The following DOCK4 variants were observed in gnomAD, a reference collection of about 807,000 sequenced individuals.
DOCK4 encodes dedicator of cytokinesis protein 4.
A neutral mutation model predicts 268.1 loss-of-function variants in DOCK4; 97 were observed. That is an observed-to-expected ratio of 0.36 (90% CI 0.31 to 0.43). DOCK4 has a LOEUF of 0.43. Among genes scored for constraint, DOCK4 ranks in the 20% least tolerant of loss-of-function variants. The pLI, the probability that DOCK4 is intolerant of heterozygous loss-of-function variation, is 1.00. For synonymous variants in DOCK4, 954 were observed against 887.2 expected (o/e 1.08, Z -1.34); for missense variants, 2,145 against 2,455.7 (o/e 0.87, Z 2.67).
chr7:112,090,906 A>G (rs1035887901), intron 1 of DOCK4, among the ~76,000 whole-genome samples: 1 of 152,144 alleles, frequency 6.6e-6, no homozygotes, highest in Non-Finnish European at 1.5e-5. Flanking sequence ...TGGCAGGGGG[A>G]GCACCAGATT....
chr7:112,183,033 C>T (rs1819193608), intron 1 of DOCK4, among the ~76,000 whole-genome samples: 1 of 152,222 alleles, frequency 6.6e-6, no homozygotes, highest in Admixed American at 6.5e-5. Context: ...AGCTACACTC[C>T]CCTAGACTAA....
chr7:111,795,734 G>C (rs1052076279), intron 30 of DOCK4, among the ~76,000 whole-genome samples: 2 of 152,186 alleles, frequency 1.3e-5, no homozygotes, highest in East Asian at 1.9e-4. Flanking sequence ...AAGGCCCTCT[G>C]AACAGGGTCC....
chr7:112,127,759 G>A (rs1813375894), intron 1 of DOCK4, among the ~76,000 whole-genome samples: 2 of 152,136 alleles, frequency 1.3e-5, no homozygotes, highest in Admixed American at 6.6e-5. Flanking sequence ...GGCTGGGTGC[G>A]GCGGCTAGCA....
intron 8 of DOCK4, among the ~76,000 whole-genome samples, chr7:111,948,727 T>C (rs973314642): frequency 1.5e-4 from 23 of 151,900 alleles, no homozygotes; most frequent in African/African-American, 5.1e-4. Flanking sequence ...CCTGAGTAGC[T>C]GGGATTACAG....
At chr7:111,732,664 A>G in intron 51 of DOCK4, 1 of 211,552 alleles carries the variant, frequency 4.7e-6, no homozygotes, top group Non-Finnish European at 9.5e-6. Flanking sequence ...CTTGGGGAAC[A>G]GCTGTTGACT....
chr7:112,061,959 T>C (rs1806450585), intron 1 of DOCK4, among the ~76,000 whole-genome samples: 1 of 152,174 alleles, frequency 6.6e-6, no homozygotes, highest in African/African-American at 2.4e-5. Flanking sequence ...TTATAAACAT[T>C]ATTTAATTCT....
At chr7:111,826,660 T>C (rs1266926463) in intron 26 of DOCK4, among the ~76,000 whole-genome samples, 1 of 152,072 alleles carries the variant, frequency 6.6e-6, no homozygotes, top group African/African-American at 2.4e-5. Flanking sequence ...CGTTCTCACT[T>C]ATAAGTGAGA....
chr7:112,172,808 T>C (rs1818194929), intron 1 of DOCK4, among the ~76,000 whole-genome samples: 2 of 152,204 alleles, frequency 1.3e-5, no homozygotes, highest in South Asian at 4.1e-4. Context: ...AAGTTATAGA[T>C]ACATTTTGAT....
intron 1 of DOCK4, among the ~76,000 whole-genome samples, chr7:112,104,024 A>C (rs1442382887): frequency 6.6e-6 from 1 of 152,112 alleles, no homozygotes; most frequent in Non-Finnish European, 1.5e-5. Flanking sequence ...CTTCTGGGGG[A>C]CCACCTAGCA....
chr7:111,729,402 C>G (rs1794910932), intron 52 of DOCK4, among the ~76,000 whole-genome samples: 1 of 151,704 alleles, frequency 6.6e-6, no homozygotes, highest in South Asian at 2.1e-4. Flanking sequence ...TACTAAAAAT[C>G]CAAAGGGTTA....
intron 2 of DOCK4, among the ~76,000 whole-genome samples, chr7:112,003,448 C>T (rs1277304008): frequency 6.6e-6 from 1 of 152,090 alleles, no homozygotes; most frequent in Non-Finnish European, 1.5e-5. Flanking sequence ...TAAGGACTAG[C>T]ATTTAAGGAT....
intron 43 of DOCK4, among the ~76,000 whole-genome samples, chr7:111,746,807 G>A (rs543438396): frequency 8.7e-5 from 11 of 127,064 alleles, no homozygotes; most frequent in African/African-American, 2.7e-4. Flanking sequence ...AGCAAGATCG[G>A]TCTTATCTTT....
intron 1 of DOCK4, among the ~76,000 whole-genome samples, chr7:112,184,465 T>C (rs567423161): frequency 6.6e-6 from 1 of 152,346 alleles, no homozygotes; most frequent in East Asian, 1.9e-4. Context: ...GTCCTTTGGC[T>C]AACTCTAACT....
intron 1 of DOCK4, among the ~76,000 whole-genome samples, chr7:112,163,381 C>T (rs1586952213): frequency 6.6e-6 from 1 of 152,252 alleles, no homozygotes; most frequent in South Asian, 2.1e-4. Context: ...AATGACTACC[C>T]TCTTCCCTGG....
intron 30 of DOCK4, among the ~76,000 whole-genome samples, chr7:111,799,189 T>C (rs1318361534): frequency 1.3e-5 from 2 of 152,212 alleles, no homozygotes; most frequent in African/African-American, 4.8e-5. Flanking sequence ...AGAATTGCTA[T>C]GGTCAAATAA....
At chr7:111,957,594 T>C (rs1012126365) in intron 8 of DOCK4, among the ~76,000 whole-genome samples, 2 of 152,190 alleles carry the variant, frequency 1.3e-5, no homozygotes, top group Admixed American at 1.3e-4. Flanking sequence ...TAACAAGGAC[T>C]GCATCAATGA....
At chr7:112,131,441 A>G (rs1332088405) in intron 1 of DOCK4, among the ~76,000 whole-genome samples, 1 of 152,134 alleles carries the variant, frequency 6.6e-6, no homozygotes, top group South Asian at 2.1e-4. Flanking sequence ...GGACAAGGAG[A>G]GAGGAAACCA....
chr7:111,953,195 T>C (rs529140412), intron 8 of DOCK4, among the ~76,000 whole-genome samples: 1 of 142,630 alleles, frequency 7.0e-6, no homozygotes, highest in Admixed American at 6.8e-5. Flanking sequence ...GATAACAGAA[T>C]GAGACCTTGT....
intron 8 of DOCK4, among the ~76,000 whole-genome samples, chr7:111,965,413 C>T (rs1443426648): frequency 0.01 from 384 of 37,420 alleles, 6 homozygotes; most frequent in Middle Eastern, 0.036. Context: ...ATCCTAGTCT[C>T]GGATAAAACA....
Sources: gnomAD v4.1 joint callset for allele counts (sites outside exome capture counted in the v4.1 genomes callset) on GRCh38, gnomAD v4.1.1 for gene constraint, MANE v1.5 for transcripts, NCBI Gene and HGNC (gene_info 2026-07-23, HGNC 2026-07-21) for gene names.